The following MCTP1 variants were observed in gnomAD, a reference collection of about 807,000 sequenced individuals.
MCTP1 encodes the protein multiple C2 and transmembrane domain-containing protein 1.
A neutral mutation model predicts 120.6 loss-of-function variants in MCTP1; 69 were observed. The observed-to-expected ratio is 0.57, with a 90% CI of 0.47 to 0.70. The LOEUF is 0.70. Among genes scored for constraint, MCTP1 ranks in the 30% least tolerant of loss-of-function variants. MCTP1 has a pLI of 0.00. For synonymous variants in MCTP1, 529 were observed against 493.1 expected, an observed-to-expected ratio of 1.07 and a Z score of -0.96; for missense variants, 1,203 against 1,248.8, an observed-to-expected ratio of 0.96 and a Z score of 0.55.
intron 2 of MCTP1, among the ~76,000 whole-genome samples, chr5:94,996,551 G>C (rs1258790407): frequency 6.6e-6 from 1 of 152,074 alleles, no homozygotes. Context: ...CATCCTCTTA[G>C]ACTTTGAATC....
intron 1 of MCTP1, among the ~76,000 whole-genome samples, chr5:95,187,303 C>T (rs897291259): frequency 2.0e-5 from 3 of 152,160 alleles, no homozygotes; most frequent in Admixed American, 6.5e-5. Flanking sequence ...TTTGCAACAA[C>T]GTGGTTGGAA....
At chr5:95,137,833 T>A (rs1438748064) in intron 1 of MCTP1, among the ~76,000 whole-genome samples, 1 of 152,186 alleles carries the variant, frequency 6.6e-6, no homozygotes, top group Non-Finnish European at 1.5e-5. Context: ...AAAGGCTGTT[T>A]CCCTAATGTG....
intron 1 of MCTP1, among the ~76,000 whole-genome samples, chr5:95,249,628 A>T (rs1231378123): frequency 6.6e-6 from 1 of 152,178 alleles, no homozygotes; most frequent in Non-Finnish European, 1.5e-5. Flanking sequence ...AACTGGAAAT[A>T]CCATTTGACC....
At chr5:95,117,816 T>C (rs774641002) in intron 1 of MCTP1, among the ~76,000 whole-genome samples, 2 of 152,200 alleles carry the variant, frequency 1.3e-5, no homozygotes, top group Non-Finnish European at 2.9e-5. Flanking sequence ...CTATACACTA[T>C]GCAATACTAT....
intron 1 of MCTP1, among the ~76,000 whole-genome samples, chr5:95,219,617 T>C (rs1220806045): frequency 6.6e-6 from 1 of 152,164 alleles, no homozygotes; most frequent in Non-Finnish European, 1.5e-5. Context: ...GCTGTTCAGC[T>C]TTGGGTGGAC....
At chr5:94,858,512 A>G (rs1207023904) in intron 17 of MCTP1, among the ~76,000 whole-genome samples, 1 of 151,746 alleles carries the variant, frequency 6.6e-6, no homozygotes, top group Non-Finnish European at 1.5e-5. Flanking sequence ...ACCAAGGACC[A>G]GGAGTCCAAT....
chr5:94,920,270 CT>C (rs1811209985), intron 7 of MCTP1, among the ~76,000 whole-genome samples: 1 of 111,138 alleles, frequency 9.0e-6, no homozygotes, highest in Admixed American at 1.1e-4. Flanking sequence ...TTACAGAGAC[CT>C]GTTTTTTTTT....
intron 1 of MCTP1, among the ~76,000 whole-genome samples, chr5:95,164,034 T>C (rs1185896418): frequency 6.6e-6 from 1 of 152,212 alleles, no homozygotes; most frequent in Non-Finnish European, 1.5e-5. Flanking sequence ...ATCTATGATT[T>C]ATTACTTCTG....
chr5:95,226,107 A>G (rs1027249366), intron 1 of MCTP1, among the ~76,000 whole-genome samples: 12 of 151,878 alleles, frequency 7.9e-5, no homozygotes, highest in African/African-American at 2.9e-4. Context: ...ACTGAACCCA[A>G]TTTGTAGCCT....
chr5:94,918,546 A>G (rs949997241), intron 7 of MCTP1, among the ~76,000 whole-genome samples: 4 of 152,216 alleles, frequency 2.6e-5, no homozygotes, highest in Non-Finnish European at 4.4e-5. Flanking sequence ...AGATCCCTTC[A>G]CTACCAAGAC....
intron 1 of MCTP1, among the ~76,000 whole-genome samples, chr5:95,221,721 G>A (rs1753719205): frequency 6.6e-6 from 1 of 152,184 alleles, no homozygotes; most frequent in Non-Finnish European, 1.5e-5. Flanking sequence ...CATCTGTTGA[G>A]GTGACAGACA....
At chr5:95,235,572 C>A (rs10050581) in intron 1 of MCTP1, among the ~76,000 whole-genome samples, 3 of 151,736 alleles carry the variant, frequency 2.0e-5, no homozygotes, top group Non-Finnish European at 4.4e-5. Flanking sequence ...GAAAAATGCA[C>A]ATCATGAATG....
intron 3 of MCTP1, among the ~76,000 whole-genome samples, chr5:94,950,580 A>G (rs2153527321): frequency 6.6e-6 from 1 of 152,284 alleles, no homozygotes; most frequent in Non-Finnish European, 1.5e-5. Flanking sequence ...ATACATATAT[A>G]CACCTATACT....
chr5:95,275,241 T>C (rs1759733665), intron 1 of MCTP1, among the ~76,000 whole-genome samples: 1 of 152,250 alleles, frequency 6.6e-6, no homozygotes, highest in African/African-American at 2.4e-5. Context: ...TATGATGCTT[T>C]TAAAAATATA....
chr5:94,950,626 C>T (rs1820259577), intron 3 of MCTP1, among the ~76,000 whole-genome samples: 1 of 151,960 alleles, frequency 6.6e-6, no homozygotes, highest in African/African-American at 2.4e-5. Flanking sequence ...CATGTATATT[C>T]TTGCTCTCAA....
chr5:94,894,114 C>T (rs539979216), intron 11 of MCTP1, among the ~76,000 whole-genome samples: 4 of 152,158 alleles, frequency 2.6e-5, no homozygotes, highest in South Asian at 2.1e-4. Context: ...GTTCCACATT[C>T]GATCAAAAAG....
chr5:94,713,599 C>T (rs970994276), intron 20 of MCTP1, among the ~76,000 whole-genome samples: 5 of 152,022 alleles, frequency 3.3e-5, no homozygotes, highest in South Asian at 4.1e-4. Context: ...CAGTGGATAG[C>T]GTGTGGAGGA....
intron 12 of MCTP1, among the ~76,000 whole-genome samples, chr5:94,875,410 T>C (rs1308839883): frequency 2.0e-5 from 3 of 151,972 alleles, no homozygotes; most frequent in Admixed American, 6.6e-5. Context: ...GGGGTGGTAG[T>C]AGGTGACACA....
chr5:94,779,242 T>G (rs1408742958), intron 18 of MCTP1, 79 bp from the exon 19 acceptor site: 1 of 1,198,766 alleles, frequency 8.3e-7, no homozygotes, highest in Non-Finnish European at 1.2e-6. Context: ...CTTTTGGAAA[T>G]GAAAACTTTA....
Sources: allele counts gnomAD v4.1 joint callset (sites outside exome capture counted in the v4.1 genomes callset), GRCh38; gene constraint gnomAD v4.1.1; transcripts MANE v1.5; gene names NCBI Gene and HGNC (gene_info 2026-07-23, HGNC 2026-07-21).